Variants in LRPPRC observed in about 807,000 individuals in gnomAD.
LRPPRC encodes the protein leucine-rich PPR motif-containing protein, mitochondrial.
In LRPPRC, 120 loss-of-function variants were observed where a neutral mutation model predicts 180.3. The ratio of observed to expected loss-of-function variants is 0.67; its 90% CI spans 0.57 to 0.77. LRPPRC has a LOEUF of 0.77. Ranked by LOEUF, LRPPRC falls within the 30% of genes least tolerant of loss-of-function variation. LRPPRC has a pLI of 0.00. For missense variants in LRPPRC, 2,012 were observed against 1,657.2 expected, an observed-to-expected ratio of 1.21 and a Z score of -3.72; for synonymous variants, 723 against 600.0, an observed-to-expected ratio of 1.21 and a Z score of -3.00.
At position 43,889,978 on chromosome 2, in the gene LRPPRC, C is replaced by T. The variant is rs74891340; in HGVS notation, c.3986-102G>A. The T allele has an allele frequency of 1.1e-3, 872 of 798,084 alleles. 7 individuals carry two copies. The highest frequency in any genetic ancestry group is 0.01 in the East Asian group (405 of 39,358). 49.4% of individuals were successfully genotyped at this position (798,084 alleles called of 1,614,324 possible). On this transcript the variant is annotated intron_variant, in intron 36 of 37. Transcript: ENST00000260665. Reference sequence around the variant, plus strand: ...GGGACGGCTGGATCCCTTTATCCCACGGCAAATGAACACTTAACTACTTTC... The same window carrying T: ...GGGACGGCTGGATCCCTTTATCCCATGGCAAATGAACACTTAACTACTTTC...
At position 43,985,115 on chromosome 2, in the gene LRPPRC, C is replaced by T. The variant is rs1020961971; in HGVS notation, c.150-2681G>A. On this transcript the variant is annotated intron_variant, in intron 1 of 37. Coordinates refer to ENST00000260665, the MANE Select transcript of LRPPRC (RefSeq NM_133259.4). ...TCCTACTAAGCAGGCTTCCATGGGA[C>T]CCTCCCCACTACTTTTAAGCATGTA... Among the ~76,000 whole-genome samples the T allele has an allele frequency of 3.3e-5, 5 of 150,092 alleles. No homozygotes were observed. The East Asian group carries it at 9.8e-4, about 29-fold the overall frequency.
At chr2:43,956,478 CGTGTGTGTGTGTGTGTGTGTGT>C (rs56919652) in intron 14 of LRPPRC, among the ~76,000 whole-genome samples, 1 of 142,490 alleles carries the variant, frequency 7.0e-6, no homozygotes, top group African/African-American at 2.6e-5. Context: ...AAGAAAAAAA[CGTGTGTGTGTGTGTGTGTGTGT>C]GTGTGTGTGT....
At chr2:43,959,698 A>G (rs1232308581) in intron 13 of LRPPRC, among the ~76,000 whole-genome samples, 1 of 152,042 alleles carries the variant, frequency 6.6e-6, no homozygotes, top group African/African-American at 2.4e-5. Flanking sequence ...TGTGGTCAGG[A>G]GTGGTGAAAC....
Position 43,896,701 on chromosome 2 carries a change from C to T in LRPPRC, c.3833G>A (p.Gly1278Asp), listed in dbSNP as rs757222168. The change falls in exon 35 of 38, where the codon GGT (glycine) becomes GAT (aspartate). Residue 1278 changes from glycine to aspartate, a missense_variant. Physicochemically the swap from Gly to Asp is moderately conservative, Grantham distance 94. Coordinates refer to ENST00000260665, the MANE Select transcript of LRPPRC (RefSeq NM_133259.4). Reference sequence around the variant, plus strand: ...AATCGGGGTTTGTTCAGCAATTGCACCACATCTCTAAAAATTAAAACATTA... The same window carrying T: ...AATCGGGGTTTGTTCAGCAATTGCATCACATCTCTAAAAATTAAAACATTA... Reference protein sequence around the residue: ...DDARALLQRCGAIAEQTPILL... With the variant: ...DDARALLQRCDAIAEQTPILL... 1 of 1,598,344 alleles carries T rather than the reference C, an allele frequency of 6.3e-7. No individual in the cohort carries two copies. The highest frequency in any genetic ancestry group is 2.2e-5 in the East Asian group (1 of 44,746).
At chr2:43,955,025 T>A (rs1200976105) in intron 14 of LRPPRC, among the ~76,000 whole-genome samples, 1 of 152,172 alleles carries the variant, frequency 6.6e-6, no homozygotes, top group African/African-American at 2.4e-5. Flanking sequence ...GCTCTTAATT[T>A]TGGCTTCCAC....
At chr2:43,975,878 C>T (rs567891417) in intron 6 of LRPPRC, among the ~76,000 whole-genome samples, 1 of 152,214 alleles carries the variant, frequency 6.6e-6, no homozygotes, top group African/African-American at 2.4e-5. Context: ...CCACCACGCC[C>T]GGCTTCAAGC....
intron 22 of LRPPRC, 42 bp downstream of exon 22, chr2:43,945,290 A>ATTT (rs1194033221): frequency 3.2e-6 from 4 of 1,261,190 alleles, no homozygotes; most frequent in East Asian, 2.3e-5. Flanking sequence ...TCCAGTGGCA[A>ATTT]GATACTTGCA....
chr2:43,912,256 T>G (rs905729517), intron 30 of LRPPRC, among the ~76,000 whole-genome samples, 176 bp downstream of exon 30: 1 of 152,232 alleles, frequency 6.6e-6, no homozygotes, highest in Non-Finnish European at 1.5e-5. Flanking sequence ...AAAGGTGTTT[T>G]TTTTTGAAGG....
chr2:43,909,784 A>G (rs1671193275), intron 30 of LRPPRC, among the ~76,000 whole-genome samples: 1 of 152,078 alleles, frequency 6.6e-6, no homozygotes, highest in Non-Finnish European at 1.5e-5. Flanking sequence ...TTACATGTCA[A>G]TTTTATCTCA....
chr2:43,988,868 C>G (rs1395532304), intron 1 of LRPPRC, among the ~76,000 whole-genome samples: 3 of 151,988 alleles, frequency 2.0e-5, no homozygotes, highest in African/African-American at 4.8e-5. Context: ...TTTACAATAT[C>G]TTTCCTTTAT....
chr2:43,980,943 C>G (rs1354953034), intron 2 of LRPPRC, among the ~76,000 whole-genome samples: 1 of 152,116 alleles, frequency 6.6e-6, no homozygotes, highest in Non-Finnish European at 1.5e-5. Context: ...GAATGTGACA[C>G]AGGTCTTTAA....
In LRPPRC at chr2:43,992,400, T is replaced by C. The variant is rs115699812; in HGVS notation, c.149+3399A>G. On this transcript the variant is annotated intron_variant, in intron 1 of 37. Transcript: ENST00000260665. ...AGCCCTGCTGTAGAGCACTTCAAAG[T>C]AGTAGTCTGGTACGGCTAGAACGCA... is the stretch of plus-strand genomic sequence containing the variant. Among the ~76,000 whole-genome samples, 896 of 152,186 alleles carry C rather than the reference T, an allele frequency of 5.9e-3. 9 individuals carry two copies. The highest frequency in any genetic ancestry group is 0.021 in the African/African-American group (852 of 41,520).
At chr2:43,958,472 T>C (rs540305694) in intron 13 of LRPPRC, among the ~76,000 whole-genome samples, 1 of 152,184 alleles carries the variant, frequency 6.6e-6, no homozygotes, top group Admixed American at 6.5e-5. Context: ...CCCACACACA[T>C]AAGGAGAATT....
rs536377628 is a variant in LRPPRC at position 43,888,585 on chromosome 2, T to C, written c.*15A>G. On this transcript the variant is annotated 3_prime_UTR_variant, in exon 38 of 38. Coordinates refer to ENST00000260665, the MANE Select transcript of LRPPRC (RefSeq NM_133259.4). ...AATCACAAATATATACAAAACAAAG[T>C]ATCGCCTGGTTATTTCAAGAAGAGT... 21 of 1,492,456 alleles carry C rather than the reference T, an allele frequency of 1.4e-5. No homozygotes were observed. Among genetic ancestry groups the C allele is most frequent in the African/African-American group, 8.2e-5 (6 of 72,762 alleles). The allele number at this position is 1,492,456 out of a possible 1,614,324, so 92.5% of individuals were successfully genotyped here. A position where few individuals can be genotyped will look rare whatever the true frequency, so the allele number is the denominator to read the frequency against.
Position 43,925,964 on chromosome 2 carries a change from GT to G in LRPPRC, c.2737-4del. ...GATCGAGCTCTAATCCCTGGAGTCT[GT>G]AAAATAAAATAATCACATAGCACCC... On this transcript the variant is annotated splice_region_variant and splice_polypyrimidine_tract_variant and intron_variant, in intron 25 of 37. Coordinates refer to ENST00000260665, the MANE Select transcript of LRPPRC (RefSeq NM_133259.4). 6.3e-7 allele frequency: 1 copy of G among 1,591,018 alleles called. No individual in the cohort carries two copies. The highest frequency in any genetic ancestry group is 8.6e-7 in the Non-Finnish European group (1 of 1,158,972).
At chr2:43,993,914 C>G (rs1406584102) in intron 1 of LRPPRC, among the ~76,000 whole-genome samples, 1 of 151,652 alleles carries the variant, frequency 6.6e-6, no homozygotes, top group Admixed American at 6.6e-5. Flanking sequence ...GGGGGAAAGG[C>G]CTTTACAGAT....
intron 14 of LRPPRC, among the ~76,000 whole-genome samples, chr2:43,957,094 C>G (rs184238397): frequency 6.6e-6 from 1 of 152,282 alleles, no homozygotes; most frequent in Non-Finnish European, 1.5e-5. Context: ...GCTGAACATA[C>G]ATATGCAAAT....
chr2:43,923,983 T>C (rs1671788126), intron 27 of LRPPRC, among the ~76,000 whole-genome samples: 1 of 152,174 alleles, frequency 6.6e-6, no homozygotes, highest in Admixed American at 6.5e-5. Context: ...AAGAATTTGA[T>C]CATCGTTCAA....
At chr2:43,949,549 CA>C in intron 16 of LRPPRC, 52 bp downstream of exon 16, 2 of 1,378,408 alleles carry the variant, frequency 1.5e-6, no homozygotes, top group Non-Finnish European at 2.1e-6. Flanking sequence ...CCCATCATTA[CA>C]CAGAAAAATG....
Sources: gnomAD v4.1 joint callset for allele counts (sites outside exome capture counted in the v4.1 genomes callset) on GRCh38, gnomAD v4.1.1 for gene constraint, MANE v1.5 for transcripts, NCBI Gene and HGNC (gene_info 2026-07-23, HGNC 2026-07-21) for gene names.